UCHL5: variants seen among roughly 807,000 people sequenced by gnomAD.
The protein encoded by UCHL5 is ubiquitin C-terminal hydrolase L5.
In UCHL5, 34 loss-of-function variants were observed where a neutral mutation model predicts 53.8. The ratio of observed to expected loss-of-function variants is 0.63; its 90% CI spans 0.48 to 0.84. The LOEUF (loss-of-function observed/expected upper bound fraction) is 0.84, where lower values mean the gene tolerates loss of function less well. Among genes scored for constraint, UCHL5 ranks in the 40% least tolerant of loss-of-function variants. The pLI is 0.00. For missense variants in UCHL5, 290 were observed against 385.6 expected (o/e 0.75, Z 2.08); for synonymous variants, 111 against 126.3 (o/e 0.88, Z 0.81).
Position 193,029,329 on chromosome 1 carries a change from A to T in UCHL5, c.435-20T>A, listed in dbSNP as rs1312679257. 4 of 1,612,930 alleles carry T rather than the reference A, an allele frequency of 2.5e-6. No individual in the cohort carries two copies. The highest frequency in any genetic ancestry group is 3.4e-6 in the Non-Finnish European group (4 of 1,179,620). On this transcript the variant is annotated intron_variant, in intron 5 of 10. Transcript: ENST00000367454. ...TGCTGTCTACAGTAAATAAAAAAAT[A>T]GTGAAACTCAAAGAAGCAAAGAAAG...
chr1:193,038,516 T>A (rs1664433012), intron 3 of UCHL5, among the ~76,000 whole-genome samples: 1 of 150,530 alleles, frequency 6.6e-6, no homozygotes, highest in African/African-American at 2.4e-5. Context: ...AGGATGATCA[T>A]TTTTACCATT....
intron 10 of UCHL5, chr1:193,020,534 G>A (rs1265882416): frequency 3.7e-6 from 5 of 1,341,140 alleles, no homozygotes; most frequent in Non-Finnish European, 4.8e-6. Flanking sequence ...TTTACAGTAT[G>A]AACTTAAAAA....
chr1:193,047,630 G>A (rs1372472575), intron 3 of UCHL5, among the ~76,000 whole-genome samples: 1 of 152,130 alleles, frequency 6.6e-6, no homozygotes, highest in Non-Finnish European at 1.5e-5. Context: ...ACTATTCTAA[G>A]CAAGTTTTTG....
intron 1 of UCHL5, among the ~76,000 whole-genome samples, chr1:193,052,242 T>A (rs140078753): frequency 2.0e-5 from 3 of 152,292 alleles, no homozygotes; most frequent in African/African-American, 7.2e-5. Flanking sequence ...GTTCTGATCC[T>A]TATCCTGAAT....
At chr1:193,016,487 G>A in intron 10 of UCHL5, 92 bp from the exon 11 acceptor site, 1 of 1,128,046 alleles carries the variant, frequency 8.9e-7, no homozygotes, top group Non-Finnish European at 1.3e-6. Context: ...TTCTCAAGCT[G>A]AAAGGCTTGA....
intron 3 of UCHL5, among the ~76,000 whole-genome samples, chr1:193,035,119 T>G (rs1275015949): frequency 1.3e-5 from 2 of 151,922 alleles, no homozygotes; most frequent in African/African-American, 4.8e-5. Context: ...ATGGTCATTT[T>G]GATAAAAACA....
At position 193,016,321 on chromosome 1, in the gene UCHL5, G is replaced by A; in HGVS notation, c.*30C>T. The stretch of plus-strand genomic sequence containing the variant: ...GGTTTCCATGAAAATATGTGCAGAA[G>A]CAGAAATGTGTACATATCTGAAAAC... On this transcript the variant is annotated 3_prime_UTR_variant, in exon 11 of 11. Transcript: ENST00000367454. The A allele has an allele frequency of 6.3e-7, 1 of 1,594,752 alleles. No homozygotes were observed. Among genetic ancestry groups the A allele is most frequent in the Non-Finnish European group, 8.5e-7 (1 of 1,173,828 alleles).
At chr1:193,044,260 C>T (rs1379524975) in intron 3 of UCHL5, among the ~76,000 whole-genome samples, 2 of 152,138 alleles carry the variant, frequency 1.3e-5, no homozygotes, top group African/African-American at 4.8e-5. Flanking sequence ...GGAATCATGG[C>T]ACTTTTTCAT....
chr1:193,047,100 C>G (rs960527300), intron 3 of UCHL5, among the ~76,000 whole-genome samples: 1 of 151,828 alleles, frequency 6.6e-6, no homozygotes, highest in Non-Finnish European at 1.5e-5. Context: ...AATAATATAC[C>G]CAAATTACAA....
chr1:193,054,435 C>T (rs1371005768), intron 1 of UCHL5, among the ~76,000 whole-genome samples: 2 of 152,250 alleles, frequency 1.3e-5, no homozygotes, highest in Non-Finnish European at 2.9e-5. Context: ...ATGTCTTCCA[C>T]AACCCCAGTC....
At position 193,059,324 on chromosome 1, in the gene UCHL5, G is replaced by A; in HGVS notation, c.-64C>T. On this transcript the variant is annotated 5_prime_UTR_variant, in exon 1 of 11. Coordinates refer to ENST00000367454, the MANE Select transcript of UCHL5 (RefSeq NM_001199261.3). This position sits in a 1 kb window ranked among gnomAD's most constrained non-coding sequence, Gnocchi z 4.9. ...TCAGCTGCCCCCCGCACCAGCTGCC[G>A]CCGGCCACAGATCTCAGCAAACCCG... 6.2e-7 allele frequency: 1 copy of A among 1,606,290 alleles called. No homozygotes were observed. The highest frequency in any genetic ancestry group is 8.5e-7 in the Non-Finnish European group (1 of 1,176,590).
intron 7 of UCHL5, among the ~76,000 whole-genome samples, chr1:193,027,153 C>A (rs1200463474): frequency 6.6e-6 from 1 of 152,130 alleles, no homozygotes; most frequent in African/African-American, 2.4e-5. Context: ...GCAAATTTTG[C>A]TGTATCTTGA....
chr1:193,040,763 A>G (rs1200988685), intron 3 of UCHL5, among the ~76,000 whole-genome samples: 3 of 152,238 alleles, frequency 2.0e-5, no homozygotes, highest in Admixed American at 6.5e-5. Flanking sequence ...CAATGGATGA[A>G]TGGATAAAGA....
chr1:193,051,317 C>G (rs1386318337), intron 2 of UCHL5, among the ~76,000 whole-genome samples: 1 of 152,060 alleles, frequency 6.6e-6, no homozygotes, highest in Non-Finnish European at 1.5e-5. Context: ...TTAAATATAA[C>G]TTTCCCAGAG....
intron 8 of UCHL5, among the ~76,000 whole-genome samples, 167 bp downstream of exon 8, chr1:193,023,677 A>G (rs1274297372): frequency 2.0e-5 from 3 of 152,222 alleles, no homozygotes; most frequent in Non-Finnish European, 4.4e-5. Context: ...TCAGATTCCT[A>G]TATCCACTAA....
intron 1 of UCHL5, among the ~76,000 whole-genome samples, chr1:193,054,181 G>A (rs1053366668): frequency 2.0e-5 from 3 of 152,264 alleles, no homozygotes; most frequent in South Asian, 4.1e-4. Flanking sequence ...GTATTATACC[G>A]ATGGGTCTAG....
rs77168747 is a variant in UCHL5 at position 193,047,044 on chromosome 1, T to C, written c.246+2702A>G. Among the ~76,000 whole-genome samples the C allele has an allele frequency of 0.048, 7,232 of 152,154 alleles. 755 individuals carry two copies. The East Asian group carries it at 0.49, about 10-fold the overall frequency. ...ATTTTTCTAGGCCTCAATTTCTTCATTTGTGAAATGAAGACAACAACCTCA... is the reference window on the plus strand; with the variant it reads ...ATTTTTCTAGGCCTCAATTTCTTCACTTGTGAAATGAAGACAACAACCTCA... On this transcript the variant is annotated intron_variant, in intron 3 of 10. Transcript: ENST00000367454.
intron 10 of UCHL5, among the ~76,000 whole-genome samples, chr1:193,019,393 T>C (rs1457550109): frequency 2.6e-5 from 4 of 151,710 alleles, no homozygotes; most frequent in African/African-American, 4.8e-5. Context: ...AAATGTTTGA[T>C]GAATAATTTA....
Position 193,059,275 on chromosome 1 carries a change from A to G in UCHL5, c.-15T>C. The stretch of plus-strand genomic sequence containing the variant: ...TTGCCCGTCATGGCCCTGGCCACAC[A>G]CCGCCCCGATCCACCTCTCGCTCTC... On this transcript the variant is annotated 5_prime_UTR_variant, in exon 1 of 11. Transcript: ENST00000367454. The surrounding 1 kb of genome is among the most constrained non-coding windows in gnomAD (Gnocchi z 4.9). 6.2e-7 allele frequency: 1 copy of G among 1,613,542 alleles called. No homozygotes were observed. The highest frequency in any genetic ancestry group is 8.5e-7 in the Non-Finnish European group (1 of 1,179,848).
Sources: allele counts gnomAD v4.1 joint callset (sites outside exome capture counted in the v4.1 genomes callset), GRCh38; gene constraint gnomAD v4.1.1; non-coding constraint Gnocchi (gnomAD v3.1); transcripts MANE v1.5; gene names NCBI Gene and HGNC (gene_info 2026-07-23, HGNC 2026-07-21).